Variants in JARID2 observed in about 807,000 individuals in gnomAD.
The protein encoded by JARID2 is protein Jumonji.
A neutral mutation model predicts 125.6 loss-of-function variants in JARID2; 21 were observed. The ratio of observed to expected loss-of-function variants is 0.17; its 90% CI spans 0.12 to 0.24. JARID2 has a LOEUF of 0.24. Ranked by LOEUF, JARID2 falls within the 10% of genes least tolerant of loss-of-function variation. JARID2 has a pLI of 1.00. For missense variants in JARID2, 1,303 were observed against 1,639.6 expected (o/e 0.79, Z 3.55); for synonymous variants, 736 against 661.6 (o/e 1.11, Z -1.73).
At chr6:15,326,133 CA>C (rs1320217725) in intron 1 of JARID2, among the ~76,000 whole-genome samples, 1 of 152,102 alleles carries the variant, frequency 6.6e-6, no homozygotes, top group Non-Finnish European at 1.5e-5. Context: ...CACTTCTATG[CA>C]GCCTCTCCTA....
Position 15,413,002 on chromosome 6 carries a change from G to GTTTTTTTTTTTTTTTTTTTTTT in JARID2, c.323+2642_323+2643insTTTTTTTTTTTTTTTTTTTTTT, listed in dbSNP as rs745910520. On this transcript the variant is annotated intron_variant, in intron 3 of 17. Transcript: ENST00000341776. ...AACATTATACATGGGAAGAGCTTGTGTTTTTGTTTTTTTTTTTTTTGTTTT... is the reference window on the plus strand; with the variant it reads ...AACATTATACATGGGAAGAGCTTGTGTTTTTTTTTTTTTTTTTTTTTTTTTTTGTTTTTTTTTTTTTTGTTTT... Among the ~76,000 whole-genome samples the GTTTTTTTTTTTTTTTTTTTTTT allele has an allele frequency of 5.8e-4, 27 of 46,532 alleles. 9 individuals carry two copies. Among genetic ancestry groups the GTTTTTTTTTTTTTTTTTTTTTT allele is most frequent in the African/African-American group, 1.2e-3 (13 of 10,746 alleles). 30.5% of individuals were successfully genotyped at this position (46,532 alleles called of 152,430 possible). A position where few individuals can be genotyped will look rare whatever the true frequency, so the allele number is the denominator to read the frequency against.
intron 17 of JARID2, among the ~76,000 whole-genome samples, chr6:15,518,436 C>T (rs187857230): frequency 1.3e-5 from 2 of 152,292 alleles, no homozygotes; most frequent in East Asian, 3.9e-4. Flanking sequence ...TCTGTAGTGG[C>T]TGAGTAGTTC....
rs143047827 is a variant in JARID2 at position 15,442,667 on chromosome 6, G to C, written c.324-9339G>C. On this transcript the variant is annotated intron_variant, in intron 3 of 17. Transcript: ENST00000341776. ...CTTCCATAGGTGGTAAACTATAACT[G>C]TGTCATTTGTGACTGACAGAACAAA... is the stretch of plus-strand genomic sequence containing the variant. Among the ~76,000 whole-genome samples the C allele has an allele frequency of 1.1e-4, 17 of 152,316 alleles. No individual in the cohort carries two copies. The East Asian group carries it at 2.9e-3, about 26-fold the overall frequency.
At chr6:15,447,124 T>C (rs1276310096) in intron 3 of JARID2, among the ~76,000 whole-genome samples, 2 of 152,202 alleles carry the variant, frequency 1.3e-5, no homozygotes, top group African/African-American at 2.4e-5. Context: ...CACGCCCCAG[T>C]GATGATCTGA....
intron 1 of JARID2, among the ~76,000 whole-genome samples, chr6:15,358,073 C>G (rs889347099): frequency 5.3e-5 from 8 of 152,108 alleles, no homozygotes; most frequent in African/African-American, 1.9e-4. Flanking sequence ...TGGGGCGTGT[C>G]TGCTGTGTTT....
At chr6:15,400,934 ATGATCCGGCTC>A in intron 2 of JARID2, 1 of 1,289,376 alleles carries the variant, frequency 7.8e-7, no homozygotes, top group Non-Finnish European at 1.0e-6. Context: ...TCTCTCTGCA[ATGATCCGGCTC>A]TGAGGATGGC....
At chr6:15,464,386 T>G (rs987424367) in intron 4 of JARID2, among the ~76,000 whole-genome samples, 1 of 152,184 alleles carries the variant, frequency 6.6e-6, no homozygotes, top group Non-Finnish European at 1.5e-5. Flanking sequence ...ATGACGTTGA[T>G]GAGATGGACA....
At chr6:15,436,264 G>A (rs1767196917) in intron 3 of JARID2, among the ~76,000 whole-genome samples, 1 of 152,188 alleles carries the variant, frequency 6.6e-6, no homozygotes, top group South Asian at 2.1e-4. Flanking sequence ...TGATCGCAAG[G>A]TTTTATTGCA....
At chr6:15,416,093 G>A (rs1205917916) in intron 3 of JARID2, among the ~76,000 whole-genome samples, 2 of 152,002 alleles carry the variant, frequency 1.3e-5, no homozygotes, top group South Asian at 2.1e-4. Flanking sequence ...GACGATGGGC[G>A]GCTGGGCAGA....
chr6:15,457,520 G>A (rs1352972328), intron 4 of JARID2, among the ~76,000 whole-genome samples: 1 of 152,088 alleles, frequency 6.6e-6, no homozygotes, highest in Non-Finnish European at 1.5e-5. Context: ...ATTATTTATA[G>A]GGAAGAAAGT....
At chr6:15,283,797 C>T (rs1760884371) in intron 1 of JARID2, among the ~76,000 whole-genome samples, 1 of 150,956 alleles carries the variant, frequency 6.6e-6, no homozygotes, top group African/African-American at 2.4e-5. Flanking sequence ...GCTCCACCTC[C>T]TGGGTTCATG....
chr6:15,396,768 A>T (rs1448678806), intron 2 of JARID2, among the ~76,000 whole-genome samples: 1 of 152,180 alleles, frequency 6.6e-6, no homozygotes, highest in African/African-American at 2.4e-5. Flanking sequence ...GCTGACTGAA[A>T]CCTTGGAAAT....
At chr6:15,487,787 C>G (rs570554506) in intron 6 of JARID2, among the ~76,000 whole-genome samples, 1 of 152,214 alleles carries the variant, frequency 6.6e-6, no homozygotes, top group Non-Finnish European at 1.5e-5. Flanking sequence ...AAAGTGAACT[C>G]ACTTTTTTAC....
At chr6:15,508,089 C>T (rs1463542638) in intron 11 of JARID2, among the ~76,000 whole-genome samples, 1 of 152,204 alleles carries the variant, frequency 6.6e-6, no homozygotes, top group East Asian at 1.9e-4. Context: ...CTCACCAGGT[C>T]AGGTTCCTGC....
chr6:15,467,925 G>A (rs1433826930), intron 4 of JARID2, among the ~76,000 whole-genome samples: 4 of 152,168 alleles, frequency 2.6e-5, no homozygotes, highest in Non-Finnish European at 4.4e-5. Context: ...CGGTTCCCCC[G>A]TTGGGAGGTT....
At chr6:15,441,354 A>C (rs975730464) in intron 3 of JARID2, among the ~76,000 whole-genome samples, 1 of 152,222 alleles carries the variant, frequency 6.6e-6, no homozygotes, top group Admixed American at 6.5e-5. Context: ...CAGGTCCTAA[A>C]AATTGGCTAA....
chr6:15,401,017 G>A, intron 2 of JARID2: 1 of 1,289,328 alleles, frequency 7.8e-7, no homozygotes, highest in South Asian at 1.2e-5. Context: ...TGGGATAGAA[G>A]GTCTGTTCCT....
chr6:15,359,268 C>A (rs1036737483), intron 1 of JARID2, among the ~76,000 whole-genome samples: 1 of 152,178 alleles, frequency 6.6e-6, no homozygotes, highest in Non-Finnish European at 1.5e-5. Flanking sequence ...CCCTGCAAGT[C>A]GTAGGGTTTA....
chr6:15,380,774 C>T (rs986020213), intron 2 of JARID2, among the ~76,000 whole-genome samples: 1 of 152,036 alleles, frequency 6.6e-6, no homozygotes, highest in Non-Finnish European at 1.5e-5. Context: ...AAATGTGGGC[C>T]CGACTGTGAA....
Sources: allele counts gnomAD v4.1 joint callset (sites outside exome capture counted in the v4.1 genomes callset), GRCh38; gene constraint gnomAD v4.1.1; transcripts MANE v1.5; gene names NCBI Gene and HGNC (gene_info 2026-07-23, HGNC 2026-07-21).